The following MKX variants were observed in gnomAD, a reference collection of about 807,000 sequenced individuals.
MKX encodes mohawk homeobox, also known as homeobox protein Mohawk.
MKX carries 13 observed loss-of-function variants against 36.0 expected under a neutral mutation model. That is an observed-to-expected ratio of 0.36 (90% CI 0.24 to 0.57). The LOEUF (loss-of-function observed/expected upper bound fraction) is 0.57, where lower values mean the gene tolerates loss of function less well. Among genes scored for constraint, MKX ranks in the 20% least tolerant of loss-of-function variants. The pLI, the probability that MKX is intolerant of heterozygous loss-of-function variation, is 0.79. For missense variants in MKX, 458 were observed against 456.4 expected (o/e 1.00, Z -0.03); for synonymous variants, 176 against 178.3 (o/e 0.99, Z 0.10).
Position 27,738,532 on chromosome 10 carries a change from C to T in MKX, c.348+2813G>A, listed in dbSNP as rs182434383. Among the ~76,000 whole-genome samples the T allele has an allele frequency of 2.6e-5, 4 of 151,880 alleles. No individual in the cohort carries two copies. The East Asian group carries it at 5.8e-4, about 22-fold the overall frequency. On this transcript the variant is annotated intron_variant, in intron 3 of 6. Coordinates refer to ENST00000419761, the MANE Select transcript of MKX (RefSeq NM_173576.3). ...AAACTGAATGCTATATGTGTATATA[C>T]GTATAGATGTTTGGGCCTCTAAGCT...
At chr10:27,716,266 A>G (rs1589680236) in intron 5 of MKX, among the ~76,000 whole-genome samples, 1 of 152,056 alleles carries the variant, frequency 6.6e-6, no homozygotes, top group African/African-American at 2.4e-5. Context: ...TCATCATGCC[A>G]TGGGGAATAA....
intron 4 of MKX, 51 bp downstream of exon 4, chr10:27,735,170 A>G: frequency 2.0e-6 from 3 of 1,472,748 alleles, no homozygotes; most frequent in South Asian, 1.5e-5. Context: ...ATTATGGTGA[A>G]CTTGCTAATA....
At chr10:27,728,461 A>G (rs1027007671) in intron 5 of MKX, among the ~76,000 whole-genome samples, 1 of 152,250 alleles carries the variant, frequency 6.6e-6, no homozygotes, top group African/African-American at 2.4e-5. Context: ...TCGTTTAAAT[A>G]TGGTTTCATG....
intron 5 of MKX, among the ~76,000 whole-genome samples, chr10:27,677,529 G>A (rs1836176279): frequency 6.6e-6 from 1 of 152,126 alleles, no homozygotes; most frequent in African/African-American, 2.4e-5. Flanking sequence ...TGCCCATGAG[G>A]CAGCCAAGCT....
chr10:27,696,280 T>C (rs757125802), intron 5 of MKX, among the ~76,000 whole-genome samples: 1 of 152,012 alleles, frequency 6.6e-6, no homozygotes, highest in African/African-American at 2.4e-5. Context: ...GATATAAGAG[T>C]AGCAAACAAT....
At chr10:27,703,948 T>C (rs536965970) in intron 5 of MKX, among the ~76,000 whole-genome samples, 2 of 151,836 alleles carry the variant, frequency 1.3e-5, no homozygotes, top group South Asian at 2.1e-4. Context: ...GGTAGCAAAA[T>C]ACAAGAAAAC....
chr10:27,705,862 A>G (rs1836738982), intron 5 of MKX, among the ~76,000 whole-genome samples: 1 of 152,212 alleles, frequency 6.6e-6, no homozygotes, highest in African/African-American at 2.4e-5. Flanking sequence ...TCTTTAAAAA[A>G]TGGTGGCAAA....
At chr10:27,734,395 G>T in intron 5 of MKX, 61 bp downstream of exon 5, 1 of 1,380,090 alleles carries the variant, frequency 7.2e-7, no homozygotes, top group Non-Finnish European at 1.0e-6. Flanking sequence ...TCCCTCTGAT[G>T]CAGTTTTAAT....
intron 5 of MKX, among the ~76,000 whole-genome samples, chr10:27,688,537 A>T (rs1836398802): frequency 6.6e-6 from 1 of 152,202 alleles, no homozygotes; most frequent in Non-Finnish European, 1.5e-5. Context: ...TCTCAAGGGG[A>T]ATATTGGAGA....
chr10:27,680,426 C>G (rs148544267), intron 5 of MKX, among the ~76,000 whole-genome samples: 6 of 148,038 alleles, frequency 4.1e-5, no homozygotes, highest in Non-Finnish European at 8.9e-5. Flanking sequence ...AAAACCCAAA[C>G]CATGTTGAAA....
At chr10:27,698,161 A>G (rs1391417220) in intron 5 of MKX, among the ~76,000 whole-genome samples, 2 of 152,200 alleles carry the variant, frequency 1.3e-5, no homozygotes, top group African/African-American at 4.8e-5. Context: ...GCTGAAATAA[A>G]TGGAGAATAT....
intron 5 of MKX, among the ~76,000 whole-genome samples, chr10:27,722,355 A>G (rs1834398336): frequency 6.6e-6 from 1 of 152,172 alleles, no homozygotes; most frequent in Non-Finnish European, 1.5e-5. Context: ...TCTAATAGAG[A>G]CATTGCGGTG....
chr10:27,679,627 CT>C (rs968635472), intron 5 of MKX, among the ~76,000 whole-genome samples: 4 of 152,100 alleles, frequency 2.6e-5, no homozygotes, highest in African/African-American at 7.2e-5. Flanking sequence ...AACATTTGTG[CT>C]TTTTTAGGAA....
At chr10:27,681,766 A>G (rs1202834915) in intron 5 of MKX, among the ~76,000 whole-genome samples, 1 of 151,590 alleles carries the variant, frequency 6.6e-6, no homozygotes, top group Non-Finnish European at 1.5e-5. Flanking sequence ...CTAAAAATAC[A>G]AAAAAATTAG....
chr10:27,685,827 A>G (rs1000009169), intron 5 of MKX, among the ~76,000 whole-genome samples: 2 of 152,182 alleles, frequency 1.3e-5, no homozygotes, highest in South Asian at 2.1e-4. Flanking sequence ...ACTGCTAAAC[A>G]GTTCCTAGGC....
intron 4 of MKX, among the ~76,000 whole-genome samples, 185 bp downstream of exon 4, chr10:27,735,036 C>A (rs749528844): frequency 2.0e-5 from 3 of 151,948 alleles, no homozygotes; most frequent in Non-Finnish European, 4.4e-5. Context: ...TATCTATAAA[C>A]AAGAGGAAAT....
At chr10:27,706,545 C>CTCTG (rs1554771680) in intron 5 of MKX, among the ~76,000 whole-genome samples, 3 of 144,898 alleles carry the variant, frequency 2.1e-5, no homozygotes, top group Admixed American at 7.0e-5. Flanking sequence ...TCGTTAATTC[C>CTCTG]TGTGTGTGTG....
chr10:27,687,933 C>T (rs551634714), intron 5 of MKX, among the ~76,000 whole-genome samples: 2 of 152,248 alleles, frequency 1.3e-5, no homozygotes, highest in African/African-American at 4.8e-5. Flanking sequence ...ACTTAGAGGC[C>T]GTGTAGTGTA....
At chr10:27,705,777 A>G (rs941377361) in intron 5 of MKX, among the ~76,000 whole-genome samples, 4 of 152,236 alleles carry the variant, frequency 2.6e-5, no homozygotes, top group African/African-American at 9.6e-5. Flanking sequence ...ACTAGTCATC[A>G]TAGTCCAAAT....
Sources: gnomAD v4.1 joint callset for allele counts (sites outside exome capture counted in the v4.1 genomes callset) on GRCh38, gnomAD v4.1.1 for gene constraint, MANE v1.5 for transcripts, NCBI Gene and HGNC (gene_info 2026-07-23, HGNC 2026-07-21) for gene names.